The following ZNF385D variants were observed in gnomAD, a reference collection of about 807,000 sequenced individuals.
ZNF385D encodes zinc finger protein 659.
In ZNF385D, 15 loss-of-function variants were observed where a neutral mutation model predicts 35.8. That is an observed-to-expected ratio of 0.42 (90% CI 0.28 to 0.64). The LOEUF is 0.64. Among genes scored for constraint, ZNF385D ranks in the 30% least tolerant of loss-of-function variants. ZNF385D has a pLI of 0.23. For missense variants in ZNF385D, 474 were observed against 494.6 expected (o/e 0.96, Z 0.39); for synonymous variants, 212 against 186.8 (o/e 1.13, Z -1.10).
At chr3:21,866,718 C>T (rs1697385775) in intron 3 of ZNF385D, among the ~76,000 whole-genome samples, 1 of 152,156 alleles carries the variant, frequency 6.6e-6, no homozygotes, top group Non-Finnish European at 1.5e-5. Flanking sequence ...TAAATAGTAG[C>T]TAGATGTTAT....
chr3:21,615,493 G>A (rs1001580808), intron 2 of ZNF385D, among the ~76,000 whole-genome samples: 2 of 152,102 alleles, frequency 1.3e-5, no homozygotes, highest in East Asian at 1.9e-4. Context: ...ATTCAAATTA[G>A]TATGCTCCAT....
chr3:22,047,239 T>C (rs1024093513), intron 3 of ZNF385D, among the ~76,000 whole-genome samples: 1 of 151,850 alleles, frequency 6.6e-6, no homozygotes, highest in African/African-American at 2.4e-5. Flanking sequence ...CTCACATACT[T>C]TTTTTTTGTG....
At chr3:22,341,024 C>A (rs1695397450) in intron 2 of ZNF385D, among the ~76,000 whole-genome samples, 1 of 152,192 alleles carries the variant, frequency 6.6e-6, no homozygotes, top group Non-Finnish European at 1.5e-5. Context: ...GGTGACAAAG[C>A]AAGCAAGGTC....
intron 3 of ZNF385D, among the ~76,000 whole-genome samples, chr3:22,115,062 C>T (rs998928195): frequency 3.3e-5 from 5 of 152,044 alleles, no homozygotes; most frequent in African/African-American, 1.2e-4. Context: ...AATACAGTGA[C>T]ACGAACAAAC....
intron 3 of ZNF385D, among the ~76,000 whole-genome samples, chr3:21,924,226 A>G (rs1700614326): frequency 6.6e-6 from 1 of 151,966 alleles, no homozygotes; most frequent in African/African-American, 2.4e-5. Context: ...GACATTATAT[A>G]TAATACAAAC....
Position 22,278,864 on chromosome 3 carries a change from T to C in ZNF385D, c.106+93586A>G, listed in dbSNP as rs79286601. Among the ~76,000 whole-genome samples the C allele has an allele frequency of 6.7e-4, 102 of 152,196 alleles. 2 individuals are homozygous for C. The East Asian group carries it at 0.019, about 28-fold the overall frequency. On this transcript the variant is annotated intron_variant, in intron 2 of 5. Transcript: ENST00000494108. ...GGGTTTACTGGAAGCCTTGCAGGTATGGGAAATTGGCTTGACGTGACCTTT... is the reference window on the plus strand; with the variant it reads ...GGGTTTACTGGAAGCCTTGCAGGTACGGGAAATTGGCTTGACGTGACCTTT...
At chr3:21,486,796 T>C (rs1306622707) in intron 4 of ZNF385D, among the ~76,000 whole-genome samples, 1 of 152,114 alleles carries the variant, frequency 6.6e-6, no homozygotes, top group African/African-American at 2.4e-5. Flanking sequence ...CAGGAAAATA[T>C]CTAGAGTGCT....
At chr3:22,098,938 C>A (rs1701777416) in intron 3 of ZNF385D, among the ~76,000 whole-genome samples, 1 of 151,838 alleles carries the variant, frequency 6.6e-6, no homozygotes, top group South Asian at 2.1e-4. Flanking sequence ...ACTATTTAAG[C>A]CAGAAATAAT....
intron 3 of ZNF385D, among the ~76,000 whole-genome samples, chr3:21,930,488 G>T (rs1016831116): frequency 2.0e-5 from 3 of 152,044 alleles, no homozygotes; most frequent in Non-Finnish European, 2.9e-5. Context: ...AAGCCGTCAA[G>T]AAAGTGATAA....
chr3:22,120,760 GTTC>G (rs960935594), intron 3 of ZNF385D, among the ~76,000 whole-genome samples: 1 of 152,148 alleles, frequency 6.6e-6, no homozygotes, highest in Non-Finnish European at 1.5e-5. Flanking sequence ...CTATGAGGCA[GTTC>G]TTGAGAACAA....
At chr3:22,220,482 G>A (rs149196469) in intron 2 of ZNF385D, among the ~76,000 whole-genome samples, 115 of 152,186 alleles carry the variant, frequency 7.6e-4, no homozygotes, top group African/African-American at 2.6e-3. Flanking sequence ...GTTTAAAAAC[G>A]TCAGTGGAAC....
intron 4 of ZNF385D, among the ~76,000 whole-genome samples, chr3:21,444,065 C>T (rs1043637172): frequency 1.3e-4 from 19 of 149,862 alleles, no homozygotes; most frequent in African/African-American, 3.7e-4. Flanking sequence ...AAAAATTTAA[C>T]TTCTGGATTT....
chr3:22,241,930 A>T (rs1323646719), intron 2 of ZNF385D, among the ~76,000 whole-genome samples: 2 of 150,672 alleles, frequency 1.3e-5, no homozygotes, highest in Non-Finnish European at 2.9e-5. Context: ...AGCTTCTTTA[A>T]ACAGAAGGGA....
At chr3:22,239,700 G>T (rs994188902) in intron 2 of ZNF385D, among the ~76,000 whole-genome samples, 1 of 150,790 alleles carries the variant, frequency 6.6e-6, no homozygotes, top group Non-Finnish European at 1.5e-5. Context: ...CAGTGTGCTA[G>T]CCAATATCTA....
At chr3:22,057,512 T>TA (rs1485401865) in intron 3 of ZNF385D, among the ~76,000 whole-genome samples, 61 of 124,650 alleles carry the variant, frequency 4.9e-4, no homozygotes, top group Middle Eastern at 4.3e-3. Context: ...TCTTTTAAAG[T>TA]ATTTTTTTTT....
At chr3:21,511,521 T>C (rs1707199249) in intron 3 of ZNF385D, 2 of 366,788 alleles carry the variant, frequency 5.5e-6, no homozygotes, top group African/African-American at 2.1e-5. Context: ...CCCTGGAGAC[T>C]GAGATTGAAG....
chr3:22,094,875 A>G (rs1701530157), intron 3 of ZNF385D, among the ~76,000 whole-genome samples: 1 of 151,852 alleles, frequency 6.6e-6, no homozygotes, highest in South Asian at 2.1e-4. Context: ...GTTGCCAGAT[A>G]TTATCCTTTT....
At chr3:21,924,387 A>G (rs1700623180) in intron 3 of ZNF385D, among the ~76,000 whole-genome samples, 1 of 152,172 alleles carries the variant, frequency 6.6e-6, no homozygotes, top group African/African-American at 2.4e-5. Flanking sequence ...GACATCAAAG[A>G]GTGCAGATGA....
chr3:22,333,980 T>A (rs570407069), intron 2 of ZNF385D, among the ~76,000 whole-genome samples: 1 of 152,218 alleles, frequency 6.6e-6, no homozygotes, highest in South Asian at 2.1e-4. Flanking sequence ...TTTTATGTAT[T>A]TTATAGTTAC....
Sources: allele counts gnomAD v4.1 joint callset (sites outside exome capture counted in the v4.1 genomes callset), GRCh38; gene constraint gnomAD v4.1.1; transcripts MANE v1.5; gene names NCBI Gene and HGNC (gene_info 2026-07-23, HGNC 2026-07-21).